Variants in BICDL2 observed in about 807,000 individuals in gnomAD.
BICDL2 encodes the protein BICD family-like cargo adapter 2.
In BICDL2, 62 loss-of-function variants were observed where a neutral mutation model predicts 56.6. That is an observed-to-expected ratio of 1.10 (90% CI 0.89 to 1.35). The LOEUF is 1.35. Among genes scored for constraint, BICDL2 ranks in the 40% most tolerant of loss-of-function variants. The pLI is 0.00. For synonymous variants in BICDL2, 358 were observed against 319.8 expected (o/e 1.12, Z -1.27); for missense variants, 808 against 684.5 (o/e 1.18, Z -2.01).
chr16:3,028,597 C>T (rs1955595483), intron 8 of BICDL2, 103 bp downstream of exon 8: 1 of 1,503,426 alleles, frequency 6.7e-7, no homozygotes, highest in Non-Finnish European at 8.8e-7. Context: ...CAGGGGGCCC[C>T]TGGGTGGGAG....
intron 2 of BICDL2, among the ~76,000 whole-genome samples, chr16:3,034,092 C>T (rs1386143612): frequency 1.3e-5 from 2 of 152,140 alleles, no homozygotes; most frequent in African/African-American, 4.8e-5. Context: ...GGAACTGTTC[C>T]TACCTCATTG....
intron 1 of BICDL2, chr16:3,035,901 A>C (rs1379713523): frequency 2.4e-5 from 7 of 294,430 alleles, no homozygotes; most frequent in Non-Finnish European, 4.6e-5. Flanking sequence ...CCAGGTTCTC[A>C]GGGACTCAGC....
intron 1 of BICDL2, chr16:3,035,784 T>G: frequency 2.1e-6 from 1 of 476,210 alleles, no homozygotes; most frequent in Non-Finnish European, 3.8e-6. Flanking sequence ...GGAAAGCTCA[T>G]TCCAGTGCTC....
intron 2 of BICDL2, chr16:3,031,603 C>A: frequency 4.9e-6 from 2 of 406,686 alleles, no homozygotes; most frequent in Middle Eastern, 6.3e-4. Flanking sequence ...CTGGTCAGCC[C>A]CGCCCTGGCC....
rs755255015 is a variant in BICDL2, at chr16:3,028,762, C to T, written c.1176G>A (p.Ala392=). ...EELQRQKELR[A]QEDPGEALHS... is the part of the protein sequence containing the mutation. Reference sequence around the variant, plus strand: ...GCAGGGCCTCCCCAGGGTCTTCCTGCGCCCGCAGCTCCTTCTGCCTCTGCA... The same window carrying T: ...GCAGGGCCTCCCCAGGGTCTTCCTGTGCCCGCAGCTCCTTCTGCCTCTGCA... Residue 392 remains alanine (A), a synonymous_variant, in exon 8 of 10, where the codon GCG becomes GCA. Transcript: ENST00000572449. 9.6e-6 allele frequency: 15 copies of T among 1,560,186 alleles called. No individual in the cohort carries two copies. Among genetic ancestry groups the T allele is most frequent in the East Asian group, 2.4e-5 (1 of 41,622 alleles).
chr16:3,029,629 C>G lies in BICDL2; in HGVS notation c.873G>C (p.Ser291=), dbSNP rs1955622107. The G allele has an allele frequency of 6.5e-7, 1 of 1,536,434 alleles. No homozygotes were observed. Among genetic ancestry groups the G allele is most frequent in the Non-Finnish European group, 8.7e-7 (1 of 1,145,540 alleles). ...CCAGTTCTGACTGCAACGAGGCAGC[C>G]GACACGTCGGCGTCCTGGAGGCGTG... ...EESRLQDADV[S]AASLQSELAH... The change falls in exon 6 of 10, where the codon TCG becomes TCC. Residue 291 remains serine, a synonymous_variant. Transcript: ENST00000572449.
At position 3,030,578 on chromosome 16, in the gene BICDL2, G is replaced by T; in HGVS notation, c.633C>A (p.Ser211Arg). ...TCTGGGCCTCCAGGTCCTGCCGGCG[G>T]CTCTGCAGCATCTGGTTCTGGGGAA... The part of the protein sequence containing the change: ...SLQGENQMLQ[S>R]RRQDLEAQIR... The change falls in exon 5 of 10, where the codon AGC (serine) becomes AGA (arginine). Residue 211 changes from serine (S) to arginine (R), a missense_variant. Ser to Arg is a moderately radical substitution (Grantham distance 110). Coordinates refer to ENST00000572449, the MANE Select transcript of BICDL2 (RefSeq NM_001369667.1). 6.3e-7 allele frequency: 1 copy of T among 1,596,682 alleles called. No homozygotes were observed. The highest frequency in any genetic ancestry group is 8.5e-7 in the Non-Finnish European group (1 of 1,175,590).
At chr16:3,028,856 C>T (rs1281701600) in intron 7 of BICDL2, 26 bp from the exon 8 acceptor site, 6 of 1,527,848 alleles carry the variant, frequency 3.9e-6, no homozygotes, top group East Asian at 2.4e-5. Flanking sequence ...GGGGGCCGTG[C>T]GGCAGATGGG....
rs866869390 is a variant in BICDL2 at position 3,028,129 on chromosome 16, T to C, written c.1504A>G (p.Ser502Gly). The C allele has an allele frequency of 6.9e-7, 1 of 1,442,100 alleles. No homozygotes were observed. Among genetic ancestry groups the C allele is most frequent in the South Asian group, 1.5e-5 (1 of 66,466 alleles). The allele number at this position is 1,442,100 out of a possible 1,614,324, so 89.3% of individuals were successfully genotyped here. Residue 502 changes from serine to glycine, a missense_variant, in exon 10 of 10, where the codon AGT becomes GGT. Transcript: ENST00000572449. ...LGPGPAGGFL[S>G]NLFRRT ...CGTCAGGTCCTTCGGAAGAGGTTAC[T>C]GAGAAAGCCACCGGCGGGCCCGGGG...
At position 3,027,709 on chromosome 16, in the gene BICDL2, CTTTTTTTT is replaced by C; in HGVS notation, c.*389_*396del. ...AGGGTTTTAGAGTGTTTTTCATTTT[CTTTTTTTT>C]TTTTTTTTTACAATAAAGTTTCAGG... On this transcript the variant is annotated 3_prime_UTR_variant, in exon 10 of 10. Transcript: ENST00000572449. 4 of 1,350,144 alleles carry C rather than the reference CTTTTTTTT, an allele frequency of 3.0e-6. No homozygotes were observed. The highest frequency in any genetic ancestry group is 3.0e-6 in the Non-Finnish European group (3 of 1,008,930). The allele number at this position is 1,350,144 out of a possible 1,614,324, so 83.6% of individuals were successfully genotyped here.
chr16:3,033,810 G>A (rs1955689831), intron 2 of BICDL2, among the ~76,000 whole-genome samples: 1 of 151,482 alleles, frequency 6.6e-6, no homozygotes, highest in South Asian at 2.1e-4. Context: ...AAAAAATAGA[G>A]AAAGAGTCCA....
At position 3,030,767 on chromosome 16, in the gene BICDL2, G is replaced by A. The variant is rs371248385; in HGVS notation, c.544C>T (p.Arg182Trp). 26 of 1,612,354 alleles carry A rather than the reference G, an allele frequency of 1.6e-5. No individual in the cohort carries two copies. Among genetic ancestry groups the A allele is most frequent in the East Asian group, 4.5e-5 (2 of 44,888 alleles). The change falls in exon 4 of 10, where the codon CGG becomes TGG. Residue 182 changes from arginine to tryptophan, a missense_variant. Physicochemically the swap from Arg to Trp is moderately radical, Grantham distance 101. Coordinates refer to ENST00000572449, the MANE Select transcript of BICDL2 (RefSeq NM_001369667.1). ...AGTGCCTGAGCCTGGCACTGTCCCC[G>A]AAGGGCGTCCAGTTCCCTCTGAAGT... The part of the protein sequence containing the change: ...QELQRELDAL[R>W]GQCQAQALAG...
intron 2 of BICDL2, among the ~76,000 whole-genome samples, chr16:3,033,507 G>A (rs186536085): frequency 2.0e-5 from 3 of 151,594 alleles, no homozygotes; most frequent in Admixed American, 6.6e-5. Flanking sequence ...TTGGCTGAGC[G>A]CATTGACTCA....
chr16:3,035,312 A>C lies in BICDL2; in HGVS notation c.185T>G (p.Leu62Arg), dbSNP rs915136476. ...LQLQQKEKDL[L>R]LAAELGKMLL... ...CATCTTGCCGAGCTCCGCGGCCAACAGCAGGTCTTTCTCCTTCTGCTGCAG... is the reference window on the plus strand; with the variant it reads ...CATCTTGCCGAGCTCCGCGGCCAACCGCAGGTCTTTCTCCTTCTGCTGCAG... Residue 62 changes from leucine (L) to arginine (R), a missense_variant, in exon 2 of 10, where the codon CTG becomes CGG. By Grantham distance (102) the Leu-to-Arg change is moderately radical. Coordinates refer to ENST00000572449, the MANE Select transcript of BICDL2 (RefSeq NM_001369667.1). The C allele has an allele frequency of 6.3e-6, 10 of 1,575,746 alleles. No homozygotes were observed. In the Admixed American group the frequency reaches 1.1e-4, roughly 17 times the overall value.
At position 3,027,775 on chromosome 16, in the gene BICDL2, G is replaced by A. The variant is rs1035440420; in HGVS notation, c.*331C>T. ...ACCATGCTCTTTCTTTCTATGAATG[G>A]GGGCCAAATCGGTGGAGTGATTTAT... On this transcript the variant is annotated 3_prime_UTR_variant, in exon 10 of 10. Transcript: ENST00000572449. 7 of 1,165,002 alleles carry A rather than the reference G, an allele frequency of 6.0e-6. No homozygotes were observed. The highest frequency in any genetic ancestry group is 5.4e-4 in the Middle Eastern group (2 of 3,736). The allele number at this position is 1,165,002 out of a possible 1,614,324, so 72.2% of individuals were successfully genotyped here.
intron 1 of BICDL2, chr16:3,036,041 C>G (rs986652406): frequency 6.1e-6 from 2 of 328,696 alleles, no homozygotes; most frequent in African/African-American, 2.2e-5. Context: ...CCTGACCTCC[C>G]GGGTCTCTCG....
chr16:3,036,408 C>A (rs905163687), intron 1 of BICDL2: 2 of 454,946 alleles, frequency 4.4e-6, no homozygotes, highest in Non-Finnish European at 8.8e-6. Context: ...GTCAGAGGGC[C>A]CGACACAACA....
chr16:3,035,189 A>ACCCCCCCCCCCCCC, intron 2 of BICDL2, 26 bp downstream of exon 2: 2 of 57,702 alleles, frequency 3.5e-5, no homozygotes, highest in South Asian at 2.7e-4. Flanking sequence ...CCACCCACCC[A>ACCCCCCCCCCCCCC]CCCACCCCGT....
chr16:3,029,105 C>G (rs1955608230), intron 7 of BICDL2, among the ~76,000 whole-genome samples, 175 bp downstream of exon 7: 1 of 152,112 alleles, frequency 6.6e-6, no homozygotes, highest in South Asian at 2.1e-4. Context: ...AGGTGCTGTC[C>G]AGGAAGTCTT....
Sources: allele counts gnomAD v4.1 joint callset (sites outside exome capture counted in the v4.1 genomes callset), GRCh38; gene constraint gnomAD v4.1.1; transcripts MANE v1.5; gene names NCBI Gene and HGNC (gene_info 2026-07-23, HGNC 2026-07-21).